The following DLGAP2 variants were observed in gnomAD, a reference collection of about 807,000 sequenced individuals.
The protein encoded by DLGAP2 is DLG associated protein 2, also known as disks large-associated protein 2.
A neutral mutation model predicts 100.3 loss-of-function variants in DLGAP2; 26 were observed. The ratio of observed to expected loss-of-function variants is 0.26; its 90% CI spans 0.19 to 0.36. The LOEUF is 0.36. Among genes scored for constraint, DLGAP2 ranks in the 10% least tolerant of loss-of-function variants. The pLI, the probability that DLGAP2 is intolerant of heterozygous loss-of-function variation, is 1.00. For missense variants in DLGAP2, 1,858 were observed against 1,453.2 expected (o/e 1.28, Z -4.53); for synonymous variants, 886 against 630.1 (o/e 1.41, Z -6.08).
intron 2 of DLGAP2, among the ~76,000 whole-genome samples, chr8:1,033,264 C>G (rs1325870171): frequency 6.6e-6 from 1 of 152,198 alleles, no homozygotes; most frequent in African/African-American, 2.4e-5. Context: ...GGCCCCTCGC[C>G]TCGTGATCTT....
At chr8:999,524 G>C (rs1214680455) in intron 2 of DLGAP2, among the ~76,000 whole-genome samples, 1 of 150,838 alleles carries the variant, frequency 6.6e-6, no homozygotes, top group Non-Finnish European at 1.5e-5. Flanking sequence ...TGCCAGTCAG[G>C]CTGGAGTGCA....
rs551659900 is a variant in DLGAP2 at position 946,544 on chromosome 8, T to C, written c.73+38578T>C. On this transcript the variant is annotated intron_variant, in intron 2 of 14. Transcript: ENST00000637795. Reference sequence around the variant, plus strand: ...TCCCAAAGTGCTGGGATTACAGGCGTGAGCCACCGCGCCCGGCCCGTTCCT... The same window carrying C: ...TCCCAAAGTGCTGGGATTACAGGCGCGAGCCACCGCGCCCGGCCCGTTCCT... Among the ~76,000 whole-genome samples, 7 of 152,226 alleles carry C rather than the reference T, an allele frequency of 4.6e-5. No homozygotes were observed. In the East Asian group the frequency reaches 7.8e-4, roughly 17 times the overall value.
intron 1 of DLGAP2, among the ~76,000 whole-genome samples, chr8:769,129 T>C (rs1161971826): frequency 6.6e-6 from 1 of 152,034 alleles, no homozygotes; most frequent in African/African-American, 2.4e-5. Flanking sequence ...GCAGCTCGGA[T>C]CTCTAGAGAA....
Position 1,616,579 on chromosome 8 carries a change from T to C in DLGAP2, c.1443-10161T>C, listed in dbSNP as rs374526537. Among the ~76,000 whole-genome samples, 28 of 152,258 alleles carry C rather than the reference T, an allele frequency of 1.8e-4. No individual in the cohort carries two copies. In the East Asian group the frequency reaches 4.6e-3, roughly 25 times the overall value. ...AGAAGCAATGGGAGCCAGAAGACAA[T>C]GGAATCATACCTTTAAAGTGATCAA... On this transcript the variant is annotated intron_variant, in intron 6 of 14. Transcript: ENST00000637795.
Position 1,548,678 on chromosome 8 carries a change from G to C in DLGAP2, c.225G>C (p.Ser75=), listed in dbSNP as rs745854754. ...AGCACTTCAATGAGGAGCGCTACTC[G>C]CCCGCGCCCAGGAGCATGAAGGGCC... ...PTQHFNEERY[S]PAPRSMKGLS... is the part of the protein sequence containing the mutation. Residue 75 remains serine, a synonymous_variant, in exon 5 of 15, where the codon TCG becomes TCC. Coordinates refer to ENST00000637795, the MANE Select transcript of DLGAP2 (RefSeq NM_001346810.2). 4.4e-6 allele frequency: 7 copies of C among 1,599,924 alleles called. No individual in the cohort carries two copies. The highest frequency in any genetic ancestry group is 5.1e-6 in the Non-Finnish European group (6 of 1,174,838).
chr8:1,516,398 GGTGACTGAGTGAAAGAGTGA>G (rs796778187), intron 4 of DLGAP2, among the ~76,000 whole-genome samples: 32 of 149,398 alleles, frequency 2.1e-4, no homozygotes, highest in African/African-American at 7.6e-4. Context: ...TGAATGAGTG[GGTGACTGAGTGAAAGAGTGA>G]GTGACTGAAT....
chr8:927,910 C>A (rs555211009), intron 2 of DLGAP2, among the ~76,000 whole-genome samples: 6 of 152,360 alleles, frequency 3.9e-5, no homozygotes, highest in Non-Finnish European at 7.3e-5. Flanking sequence ...TGCACAAGTT[C>A]CCCTGAAGGG....
intron 3 of DLGAP2, among the ~76,000 whole-genome samples, chr8:1,479,660 C>G (rs1439455969): frequency 6.6e-6 from 1 of 152,078 alleles, no homozygotes. Flanking sequence ...TTTCTGTGTC[C>G]TTTATCATTC....
intron 12 of DLGAP2, among the ~76,000 whole-genome samples, chr8:1,686,074 A>G (rs1799107509): frequency 6.6e-6 from 1 of 152,242 alleles, no homozygotes; most frequent in African/African-American, 2.4e-5. Flanking sequence ...TGCTGGGCAT[A>G]GACCCAAACA....
At chr8:923,464 C>T (rs1193563363) in intron 2 of DLGAP2, among the ~76,000 whole-genome samples, 1 of 152,198 alleles carries the variant, frequency 6.6e-6, no homozygotes, top group African/African-American at 2.4e-5. Context: ...ACCTTCCGCC[C>T]AGGAGCTGGA....
intron 1 of DLGAP2, among the ~76,000 whole-genome samples, chr8:808,539 A>T (rs1245956924): frequency 6.6e-6 from 1 of 152,236 alleles, no homozygotes; most frequent in Non-Finnish European, 1.5e-5. Flanking sequence ...ATGGAACCAC[A>T]GAAACTGAAG....
intron 2 of DLGAP2, among the ~76,000 whole-genome samples, chr8:1,196,462 C>T (rs1386225096): frequency 3.3e-5 from 5 of 152,144 alleles, no homozygotes; most frequent in Admixed American, 6.5e-5. Context: ...CCTGTGCCCC[C>T]GAAGGAAATA....
intron 2 of DLGAP2, among the ~76,000 whole-genome samples, chr8:1,200,068 C>T (rs1050779539): frequency 5.9e-5 from 9 of 152,082 alleles, no homozygotes; most frequent in South Asian, 2.1e-4. Context: ...AGGACGACTC[C>T]GTACAGGGAA....
At chr8:1,530,388 G>C (rs975151071) in intron 4 of DLGAP2, among the ~76,000 whole-genome samples, 1 of 152,088 alleles carries the variant, frequency 6.6e-6, no homozygotes, top group Non-Finnish European at 1.5e-5. Flanking sequence ...CAGAGTTTAA[G>C]GTTATCTCTC....
chr8:1,200,008 C>A (rs1797836342), intron 2 of DLGAP2, among the ~76,000 whole-genome samples: 1 of 152,036 alleles, frequency 6.6e-6, no homozygotes, highest in Admixed American at 6.5e-5. Flanking sequence ...GGGTCCCATC[C>A]TGTGGAAAAG....
chr8:1,403,999 A>C (rs1585337824), intron 3 of DLGAP2, among the ~76,000 whole-genome samples: 1 of 19,108 alleles, frequency 5.2e-5, no homozygotes, highest in Non-Finnish European at 8.8e-5. Context: ...ACTGAGTGCC[A>C]CCTCCTCGTC....
intron 2 of DLGAP2, among the ~76,000 whole-genome samples, chr8:1,194,945 G>T (rs956009224): frequency 6.6e-6 from 1 of 152,256 alleles, no homozygotes; most frequent in Non-Finnish European, 1.5e-5. Context: ...CCAACGGACA[G>T]TCAGGGCTGT....
At chr8:771,882 T>C (rs999980962) in intron 1 of DLGAP2, among the ~76,000 whole-genome samples, 1 of 152,158 alleles carries the variant, frequency 6.6e-6, no homozygotes, top group Non-Finnish European at 1.5e-5. Flanking sequence ...GGGACAGAAT[T>C]CTAGGCTCAT....
At chr8:851,983 C>A (rs1168492022) in intron 1 of DLGAP2, among the ~76,000 whole-genome samples, 1 of 152,192 alleles carries the variant, frequency 6.6e-6, no homozygotes, top group African/African-American at 2.4e-5. Context: ...GGGCACTCAG[C>A]TAGTGGGCGG....
Sources: gnomAD v4.1 joint callset for allele counts (sites outside exome capture counted in the v4.1 genomes callset) on GRCh38, gnomAD v4.1.1 for gene constraint, MANE v1.5 for transcripts, NCBI Gene and HGNC (gene_info 2026-07-23, HGNC 2026-07-21) for gene names.